Variants in CELF2 observed in about 807,000 individuals in gnomAD.
CELF2 encodes CUGBP Elav-like family member 2.
CELF2 carries 8 observed loss-of-function variants against 62.6 expected under a neutral mutation model. That is an observed-to-expected ratio of 0.13 (90% CI 0.07 to 0.23). The LOEUF is 0.23. CELF2 is among the 10% of genes least tolerant of loss of function. The probability of loss-of-function intolerance (pLI) is 1.00; values close to 1 mark genes in which losing one functional copy is unlikely to be tolerated. For synonymous variants in CELF2, 258 were observed against 250.0 expected (o/e 1.03, Z -0.30); for missense variants, 333 against 671.0 (o/e 0.50, Z 5.56).
intron 1 of CELF2, among the ~76,000 whole-genome samples, chr10:11,108,704 C>G (rs2054331487): frequency 6.6e-6 from 1 of 152,206 alleles, no homozygotes; most frequent in South Asian, 2.1e-4. Flanking sequence ...TCCTGTTTCC[C>G]CACGTCTCCA....
At chr10:10,913,858 A>AGAAGGAAGGAAGAAG (rs1554880059) in intron 1 of CELF2, among the ~76,000 whole-genome samples, 4 of 101,044 alleles carry the variant, frequency 4.0e-5, no homozygotes, top group Non-Finnish European at 7.7e-5. Context: ...AGGGAAGGAG[A>AGAAGGAAGGAAGAAG]GAAGGAAGGA....
upstream of CELF2, among the ~76,000 whole-genome samples, chr10:11,003,964 C>T (rs547513710): frequency 8.3e-4 from 127 of 152,276 alleles, no homozygotes; most frequent in African/African-American, 3.0e-3. The surrounding 1 kb of genome is among the most constrained non-coding windows in gnomAD (Gnocchi z 4.4). Context: ...TGCTATCCTT[C>T]GCTTATTTGC....
At chr10:11,126,901 CT>C (rs376986309) in intron 1 of CELF2, among the ~76,000 whole-genome samples, 260 of 146,368 alleles carry the variant, frequency 1.8e-3, no homozygotes, top group Non-Finnish European at 2.8e-3. Context: ...TCTTTATTGT[CT>C]TTTTTTTTTA....
the CELF2 span, among the ~76,000 whole-genome samples, chr10:10,488,022 G>T: frequency 5.8e-3 from 885 of 152,090 alleles, 11 homozygotes; most frequent in African/African-American, 0.02. Context: ...TATTATTAAT[G>T]GAATGAGCTA....
At chr10:11,218,978 C>G (rs2064054756) in intron 3 of CELF2, among the ~76,000 whole-genome samples, 1 of 152,184 alleles carries the variant, frequency 6.6e-6, no homozygotes, top group Admixed American at 6.5e-5. Context: ...TAATCAAACC[C>G]AAAGACCACT....
intron 1 of CELF2, among the ~76,000 whole-genome samples, chr10:11,103,928 C>T (rs1484680784): frequency 1.3e-5 from 2 of 152,128 alleles, no homozygotes; most frequent in Admixed American, 6.5e-5. Context: ...AATTTACTGA[C>T]TCCTAAATTT....
chr10:10,772,303 G>A, the CELF2 span, among the ~76,000 whole-genome samples: 1 of 152,026 alleles, frequency 6.6e-6, no homozygotes, highest in East Asian at 1.9e-4. Context: ...ATGATCTTGG[G>A]GTGAATCTTT....
intron 1 of CELF2, among the ~76,000 whole-genome samples, chr10:11,041,633 G>C (rs7081799): frequency 0.047 from 7,124 of 152,308 alleles, 216 homozygotes; most frequent in Non-Finnish European, 0.065. Flanking sequence ...CGTAGTTTCT[G>C]ATGAGTCAAG....
At chr10:10,469,822 A>G in the CELF2 span, among the ~76,000 whole-genome samples, 1 of 151,858 alleles carries the variant, frequency 6.6e-6, no homozygotes, top group African/African-American at 2.4e-5. Context: ...CAATTTTATT[A>G]GTAGATACAG....
At chr10:11,225,152 C>T (rs1385920038) in intron 3 of CELF2, among the ~76,000 whole-genome samples, 1 of 152,142 alleles carries the variant, frequency 6.6e-6, no homozygotes, top group African/African-American at 2.4e-5. Context: ...ACCCTCACCA[C>T]TCTCACTGCC....
chr10:10,932,694 G>GTGTATA (rs1406935763), intron 2 of CELF2, among the ~76,000 whole-genome samples: 1 of 149,712 alleles, frequency 6.7e-6, no homozygotes, highest in African/African-American at 2.5e-5. Flanking sequence ...GTGTGTGTGT[G>GTGTATA]TATATATATA....
At chr10:10,791,793 A>G in the CELF2 span, among the ~76,000 whole-genome samples, 1 of 152,220 alleles carries the variant, frequency 6.6e-6, no homozygotes, top group Non-Finnish European at 1.5e-5. Flanking sequence ...AGGAGTAAGA[A>G]TTTGGAAATG....
At chr10:11,180,630 A>G (rs944264903) in intron 2 of CELF2, among the ~76,000 whole-genome samples, 21 of 152,196 alleles carry the variant, frequency 1.4e-4, no homozygotes, top group African/African-American at 5.1e-4. Flanking sequence ...AGTGACAGGA[A>G]GATCAGTTCT....
At chr10:11,266,415 C>G (rs2082205855) in intron 5 of CELF2, among the ~76,000 whole-genome samples, 183 bp from the exon 6 acceptor site, 1 of 152,144 alleles carries the variant, frequency 6.6e-6, no homozygotes, top group Admixed American at 6.5e-5. Context: ...AGCAAGTCAG[C>G]ACTGTGAATA....
chr10:10,969,485 A>T (rs2050519019), intron 2 of CELF2, among the ~76,000 whole-genome samples: 2 of 152,224 alleles, frequency 1.3e-5, no homozygotes, highest in South Asian at 4.1e-4. Context: ...TCTTTAGTTT[A>T]CATACCAATA....
At chr10:11,086,597 A>AAAC (rs952335747) in intron 1 of CELF2, among the ~76,000 whole-genome samples, 7 of 148,182 alleles carry the variant, frequency 4.7e-5, no homozygotes, top group East Asian at 2.0e-4. Context: ...AAAAAAAAAA[A>AAAC]AAAAAAAAAA....
At position 11,247,333 on chromosome 10, in the gene CELF2, A is replaced by T. The variant is rs1477906894; in HGVS notation, c.355-1820A>T. On this transcript the variant is annotated intron_variant, in intron 3 of 12. Coordinates refer to ENST00000633077, the MANE Select transcript of CELF2 (RefSeq NM_001326342.2). This position sits in a 1 kb window ranked among gnomAD's most constrained non-coding sequence, Gnocchi z 5.4. ...ACACTGGGAGCTCCCTGTGAGAGGGAACTGTCACCCTTCCACTTCCTGGGT... is the reference window on the plus strand; with the variant it reads ...ACACTGGGAGCTCCCTGTGAGAGGGTACTGTCACCCTTCCACTTCCTGGGT... 6.6e-6 allele frequency among the ~76,000 whole-genome samples: 1 copy of T among 152,112 alleles called. No homozygotes were observed. The highest frequency in any genetic ancestry group is 1.5e-5 in the Non-Finnish European group (1 of 68,020).
At chr10:10,852,340 C>G (rs887819694) in intron 1 of CELF2, among the ~76,000 whole-genome samples, 1 of 152,114 alleles carries the variant, frequency 6.6e-6, no homozygotes, top group Non-Finnish European at 1.5e-5. Context: ...AAAGCCAATT[C>G]CAAAGGGTTA....
the CELF2 span, among the ~76,000 whole-genome samples, chr10:10,684,852 A>C: frequency 6.6e-6 from 1 of 152,204 alleles, no homozygotes; most frequent in Non-Finnish European, 1.5e-5. Flanking sequence ...AAACAGGTGC[A>C]TAGTCAACAA....
Sources: gnomAD v4.1 joint callset for allele counts (sites outside exome capture counted in the v4.1 genomes callset) on GRCh38, gnomAD v4.1.1 for gene constraint, Gnocchi (gnomAD v3.1) non-coding constraint, MANE v1.5 for transcripts, NCBI Gene and HGNC (gene_info 2026-07-23, HGNC 2026-07-21) for gene names.